The following CCDC6 variants were observed in gnomAD, a reference collection of about 807,000 sequenced individuals.
CCDC6 encodes coiled-coil domain containing 6.
In CCDC6, 20 loss-of-function variants were observed where a neutral mutation model predicts 56.6. The observed-to-expected ratio is 0.35, with a 90% CI of 0.25 to 0.51. CCDC6 has a LOEUF of 0.51. CCDC6 is among the 20% of genes least tolerant of loss of function. CCDC6 has a pLI of 0.95. For missense variants in CCDC6, 367 were observed against 601.1 expected (o/e 0.61, Z 4.07); for synonymous variants, 241 against 234.4 (o/e 1.03, Z -0.26).
intron 2 of CCDC6, among the ~76,000 whole-genome samples, chr10:59,851,216 C>T (rs1180266389): frequency 1.4e-5 from 2 of 145,912 alleles, no homozygotes; most frequent in South Asian, 4.4e-4. Flanking sequence ...GAAAAACAAA[C>T]CATAATTACA....
chr10:59,881,101 T>C (rs1163868302), intron 1 of CCDC6, among the ~76,000 whole-genome samples: 1 of 152,182 alleles, frequency 6.6e-6, no homozygotes, highest in African/African-American at 2.4e-5. Flanking sequence ...TCCTCAGCCA[T>C]GTGCCTTCTG....
At chr10:59,810,685 T>A (rs1297317450) in intron 5 of CCDC6, among the ~76,000 whole-genome samples, 1 of 151,716 alleles carries the variant, frequency 6.6e-6, no homozygotes, top group Non-Finnish European at 1.5e-5. Context: ...ATTACTTATA[T>A]ATATATTTTT....
rs751293927 is a variant in CCDC6, at chr10:59,791,448, T to G, written c.*1469A>C. 1 of 196,636 alleles carries G rather than the reference T, an allele frequency of 5.1e-6. No individual in the cohort carries two copies. The highest frequency in any genetic ancestry group is 1.1e-5 in the Non-Finnish European group (1 of 94,556). 12.2% of individuals were successfully genotyped at this position (196,636 alleles called of 1,614,324 possible). On this transcript the variant is annotated 3_prime_UTR_variant, in exon 9 of 9. Coordinates refer to ENST00000263102, the MANE Select transcript of CCDC6 (RefSeq NM_005436.5). ...ACTGTACAATATTAAATATCTACAA[T>G]GTCATGGTTCCTTATTTTTAGGAGT...
At chr10:59,867,018 A>C (rs1215015217) in intron 1 of CCDC6, among the ~76,000 whole-genome samples, 1 of 152,226 alleles carries the variant, frequency 6.6e-6, no homozygotes, top group African/African-American at 2.4e-5. Context: ...TTCAAGTAGT[A>C]GAATACATAT....
intron 1 of CCDC6, among the ~76,000 whole-genome samples, chr10:59,856,267 A>C (rs2071079675): frequency 6.6e-6 from 1 of 151,788 alleles, no homozygotes; most frequent in Admixed American, 6.6e-5. Flanking sequence ...CTCTTTTTCC[A>C]GTTGGTGCAG....
intron 3 of CCDC6, among the ~76,000 whole-genome samples, chr10:59,814,956 T>A (rs1337143520): frequency 6.6e-6 from 1 of 152,184 alleles, no homozygotes; most frequent in African/African-American, 2.4e-5. Flanking sequence ...TGTTAATGCT[T>A]AATTGTTGTC....
At chr10:59,828,539 T>C (rs1206113999) in intron 3 of CCDC6, among the ~76,000 whole-genome samples, 1 of 152,206 alleles carries the variant, frequency 6.6e-6, no homozygotes, top group Non-Finnish European at 1.5e-5. Flanking sequence ...GACATTGCCT[T>C]TACTTTTGCA....
chr10:59,794,759 T>TA (rs1229880733), intron 7 of CCDC6, among the ~76,000 whole-genome samples, 162 bp from the exon 8 acceptor site: 2 of 151,968 alleles, frequency 1.3e-5, no homozygotes, highest in East Asian at 3.9e-4. Context: ...ACAAGGGAAA[T>TA]AAATGTTAAT....
chr10:59,835,282 G>A (rs764859430), intron 2 of CCDC6, among the ~76,000 whole-genome samples: 7 of 152,184 alleles, frequency 4.6e-5, no homozygotes, highest in African/African-American at 9.7e-5. Context: ...ACCAAGCAGC[G>A]TTTGTCATAG....
chr10:59,794,904 T>C, intron 7 of CCDC6, among the ~76,000 whole-genome samples: 1 of 152,120 alleles, frequency 6.6e-6, no homozygotes, highest in Non-Finnish European at 1.5e-5. Flanking sequence ...AAACTGGATA[T>C]TCACATGCAG....
At chr10:59,837,908 A>AAAGGC (rs1162318240) in intron 2 of CCDC6, among the ~76,000 whole-genome samples, 8 of 152,166 alleles carry the variant, frequency 5.3e-5, no homozygotes, top group Admixed American at 5.2e-4. Context: ...TGGACCAAGT[A>AAAGGC]AAGGCCACCC....
intron 4 of CCDC6, among the ~76,000 whole-genome samples, chr10:59,813,149 G>C (rs1244835868): frequency 6.6e-6 from 1 of 152,172 alleles, no homozygotes; most frequent in African/African-American, 2.4e-5. Flanking sequence ...CTTGGGTTTA[G>C]TGCATGAAGA....
At chr10:59,826,388 A>G (rs376668942) in intron 3 of CCDC6, among the ~76,000 whole-genome samples, 3 of 152,138 alleles carry the variant, frequency 2.0e-5, no homozygotes, top group East Asian at 1.9e-4. Flanking sequence ...ATGGCTGAAC[A>G]TAGACCCACT....
intron 2 of CCDC6, among the ~76,000 whole-genome samples, chr10:59,851,527 C>T (rs1413096913): frequency 6.6e-6 from 1 of 152,114 alleles, no homozygotes; most frequent in Non-Finnish European, 1.5e-5. Context: ...GGGGTAAAAG[C>T]TGCCTGGAAC....
At chr10:59,869,047 C>T in intron 1 of CCDC6, among the ~76,000 whole-genome samples, 1 of 152,060 alleles carries the variant, frequency 6.6e-6, no homozygotes, top group Non-Finnish European at 1.5e-5. Context: ...GTCCTGGGGA[C>T]TCCTGACACA....
intron 4 of CCDC6, 124 bp downstream of exon 4, chr10:59,814,528 A>C (rs546612130): frequency 1.6e-6 from 1 of 617,464 alleles, no homozygotes; most frequent in Non-Finnish European, 2.9e-6. Context: ...TCCTTTGGCC[A>C]ATTAAAATGA....
intron 7 of CCDC6, among the ~76,000 whole-genome samples, chr10:59,802,491 A>T (rs567214589): frequency 6.6e-6 from 1 of 152,388 alleles, no homozygotes; most frequent in African/African-American, 2.4e-5. Context: ...TACTATGTAT[A>T]GCACTACAAT....
At chr10:59,855,977 T>C (rs934143405) in intron 1 of CCDC6, among the ~76,000 whole-genome samples, 19 of 152,198 alleles carry the variant, frequency 1.2e-4, no homozygotes, top group African/African-American at 3.9e-4. Context: ...TTAGAATAGC[T>C]ACTTATTTCT....
chr10:59,835,556 A>G (rs1169645487), intron 2 of CCDC6, among the ~76,000 whole-genome samples: 3 of 152,212 alleles, frequency 2.0e-5, no homozygotes, highest in East Asian at 3.8e-4. Context: ...CATTTGGAAA[A>G]TATCAAGCCA....
Sources: gnomAD v4.1 joint callset for allele counts (sites outside exome capture counted in the v4.1 genomes callset) on GRCh38, gnomAD v4.1.1 for gene constraint, MANE v1.5 for transcripts, NCBI Gene and HGNC (gene_info 2026-07-23, HGNC 2026-07-21) for gene names.